The following BZW2 variants were observed in gnomAD, a reference collection of about 807,000 sequenced individuals.
BZW2 encodes basic leucine zipper and W2 domains 2.
In BZW2, 23 loss-of-function variants were observed where a neutral mutation model predicts 53.2. The ratio of observed to expected loss-of-function variants is 0.43; its 90% CI spans 0.31 to 0.61. The LOEUF is 0.61. Among genes scored for constraint, BZW2 ranks in the 20% least tolerant of loss-of-function variants. BZW2 has a pLI of 0.09. For synonymous variants in BZW2, 227 were observed against 186.4 expected (o/e 1.22, Z -1.77); for missense variants, 409 against 503.1 (o/e 0.81, Z 1.79).
chr7:16,677,290 G>A (rs1782796057), intron 3 of BZW2, among the ~76,000 whole-genome samples: 1 of 152,122 alleles, frequency 6.6e-6, no homozygotes, highest in African/African-American at 2.4e-5. Context: ...GGTCGGGTGT[G>A]AGCTAAGTTG....
At chr7:16,694,768 T>C (rs1209433547) in intron 7 of BZW2, 66 bp from the exon 8 acceptor site, 1 of 1,302,874 alleles carries the variant, frequency 7.7e-7, no homozygotes, top group Non-Finnish European at 1.0e-6. Context: ...AATGAAGACT[T>C]TTGTCCTTTA....
chr7:16,704,516 T>C (rs1400146064), intron 10 of BZW2, 31 bp from the exon 11 acceptor site: 2 of 1,498,682 alleles, frequency 1.3e-6, no homozygotes, highest in South Asian at 2.7e-5. Flanking sequence ...ATTTGTATAG[T>C]AACTTTGAAA....
intron 1 of BZW2, among the ~76,000 whole-genome samples, chr7:16,646,711 G>T (rs1334465856): frequency 2.0e-5 from 3 of 152,238 alleles, no homozygotes; most frequent in African/African-American, 7.2e-5. Flanking sequence ...AGACTCGGGA[G>T]AAGGTAGTTT....
intron 11 of BZW2, among the ~76,000 whole-genome samples, chr7:16,705,800 A>AAT (rs1562501827): frequency 6.7e-6 from 1 of 150,058 alleles, no homozygotes; most frequent in East Asian, 1.9e-4. Context: ...GTATAAATTT[A>AAT]ATATATATAA....
rs1187427321 is a variant in BZW2, at chr7:16,646,213, TGCTGCTGCTGCC to T, written c.-71_-60del. On this transcript the variant is annotated 5_prime_UTR_variant, in exon 1 of 12. Transcript: ENST00000258761. ...CATTGTCTGCCGCCACTGCTGCTGC[TGCTGCTGCTGCC>T]GCTGCTGCTGCACGAATCGCCGCAG... The T allele has an allele frequency of 2.6e-5, 9 of 345,496 alleles. No homozygotes were observed. Among genetic ancestry groups the T allele is most frequent in the Admixed American group, 9.3e-5 (3 of 32,222 alleles). 21.4% of individuals were successfully genotyped at this position (345,496 alleles called of 1,614,324 possible). A position where few individuals can be genotyped will look rare whatever the true frequency, so the allele number is the denominator to read the frequency against.
chr7:16,687,997 G>A (rs144415109), intron 6 of BZW2, among the ~76,000 whole-genome samples: 277 of 151,854 alleles, frequency 1.8e-3, no homozygotes, highest in African/African-American at 6.2e-3. Context: ...TTCAGTTAAG[G>A]TGTAATGCAT....
intron 3 of BZW2, among the ~76,000 whole-genome samples, chr7:16,675,753 C>A (rs1562485440): frequency 6.6e-6 from 1 of 152,228 alleles, no homozygotes; most frequent in Non-Finnish European, 1.5e-5. Flanking sequence ...CGGGAAAAAT[C>A]ATTGTTAACA....
intron 10 of BZW2, 101 bp downstream of exon 10, chr7:16,698,287 G>C: frequency 6.9e-7 from 1 of 1,443,712 alleles, no homozygotes; most frequent in East Asian, 2.3e-5. Flanking sequence ...GCTCTGTTTA[G>C]AGAGGGACAG....
intron 2 of BZW2, among the ~76,000 whole-genome samples, chr7:16,668,816 A>G (rs145264070): frequency 3.3e-5 from 5 of 152,344 alleles, no homozygotes; most frequent in African/African-American, 4.8e-5. Flanking sequence ...GACACATTAT[A>G]TAATAGAACT....
Position 16,696,845 on chromosome 7 carries a change from G to T in BZW2, c.823-70G>T, listed in dbSNP as rs994659293. 6 of 1,526,224 alleles carry T rather than the reference G, an allele frequency of 3.9e-6. No individual in the cohort carries two copies. In the East Asian group the frequency reaches 1.4e-4, roughly 35 times the overall value. 94.5% of individuals were successfully genotyped at this position (1,526,224 alleles called of 1,614,324 possible). The stretch of plus-strand genomic sequence containing the variant: ...GCTGCCCCAAAACCTTGATTGACTG[G>T]GCAGCTAGCGGGGAGATGGGAGCCC... On this transcript the variant is annotated intron_variant, in intron 8 of 11. Transcript: ENST00000258761.
chr7:16,646,252 C>T lies in BZW2; in HGVS notation c.-44C>T. 1 of 301,126 alleles carries T rather than the reference C, an allele frequency of 3.3e-6. No individual in the cohort carries two copies. Among genetic ancestry groups the T allele is most frequent in the Non-Finnish European group, 6.7e-6 (1 of 148,854 alleles). 18.7% of individuals were successfully genotyped at this position (301,126 alleles called of 1,614,324 possible). ...CTGCTGCTGCACGAATCGCCGCAGC[C>T]CCCAGCCTTGCGCGTCGTCGCTACC... On this transcript the variant is annotated 5_prime_UTR_variant, in exon 1 of 12. Coordinates refer to ENST00000258761, the MANE Select transcript of BZW2 (RefSeq NM_014038.3).
intron 2 of BZW2, among the ~76,000 whole-genome samples, chr7:16,667,094 C>G (rs1455698628): frequency 6.6e-6 from 1 of 151,762 alleles, no homozygotes; most frequent in African/African-American, 2.4e-5. Flanking sequence ...ACCAGCCTGA[C>G]CAACATGGAG....
At position 16,681,293 on chromosome 7, in the gene BZW2, C is replaced by A. The variant is rs1353102353; in HGVS notation, c.236-8C>A. The A allele has an allele frequency of 1.9e-6, 3 of 1,609,880 alleles. No individual in the cohort carries two copies. The highest frequency in any genetic ancestry group is 2.2e-5 in the South Asian group (2 of 90,820). On this transcript the variant is annotated splice_region_variant and splice_polypyrimidine_tract_variant and intron_variant, in intron 3 of 11. Coordinates refer to ENST00000258761, the MANE Select transcript of BZW2 (RefSeq NM_014038.3). ...TTATCCTAATTACAATTACCTTTCT[C>A]TTTTTAGCCCCTGGAGGAACGCGCA...
intron 7 of BZW2, among the ~76,000 whole-genome samples, chr7:16,694,533 T>G (rs1002240591): frequency 2.0e-5 from 3 of 152,048 alleles, no homozygotes; most frequent in African/African-American, 7.3e-5. Flanking sequence ...ATTAATCCAT[T>G]CATGAGGGCA....
intron 6 of BZW2, 102 bp downstream of exon 6, chr7:16,686,142 CTCAT>C: frequency 6.7e-7 from 1 of 1,486,248 alleles, no homozygotes; most frequent in South Asian, 1.2e-5. Context: ...TCCTCTATTA[CTCAT>C]TCTTCATTTA....
chr7:16,701,566 T>G (rs1333125727), intron 10 of BZW2, among the ~76,000 whole-genome samples: 1 of 152,186 alleles, frequency 6.6e-6, no homozygotes, highest in East Asian at 1.9e-4. Flanking sequence ...GAGTTTCAAG[T>G]GACATAGTTT....
rs926927349 is a variant in BZW2 at position 16,655,074 on chromosome 7, C to G, written c.-8+8786C>G. Among the ~76,000 whole-genome samples the G allele has an allele frequency of 7.2e-5, 11 of 152,206 alleles. No individual in the cohort carries two copies. In the South Asian group the frequency reaches 1.5e-3, roughly 20 times the overall value. Reference sequence around the variant, plus strand: ...TGTCATAAAAACCTGGTTGGACACACCAGATAGCTTCAAAGTGGCCACCTA... The same window carrying G: ...TGTCATAAAAACCTGGTTGGACACAGCAGATAGCTTCAAAGTGGCCACCTA... On this transcript the variant is annotated intron_variant, in intron 1 of 11. Transcript: ENST00000258761.
intron 8 of BZW2, 87 bp from the exon 9 acceptor site, chr7:16,696,827 CA>C: frequency 2.1e-6 from 3 of 1,422,060 alleles, no homozygotes; most frequent in Non-Finnish European, 2.0e-6. Flanking sequence ...TTAGCTGCCC[CA>C]AAACCTTGAT....
At chr7:16,700,737 T>G (rs534985132) in intron 10 of BZW2, 1 of 152,362 alleles carries the variant, frequency 6.6e-6, no homozygotes, top group Non-Finnish European at 1.5e-5. Context: ...TTTGATTTCA[T>G]GTACATACCC....
Sources: allele counts gnomAD v4.1 joint callset (sites outside exome capture counted in the v4.1 genomes callset), GRCh38; gene constraint gnomAD v4.1.1; transcripts MANE v1.5; gene names NCBI Gene and HGNC (gene_info 2026-07-23, HGNC 2026-07-21).